Variants in HLCS observed in about 807,000 individuals in gnomAD.
HLCS encodes holocarboxylase synthetase.
Under a neutral mutation model 75.0 loss-of-function variants are expected in HLCS, and 53 were observed. That is an observed-to-expected ratio of 0.71 (90% CI 0.57 to 0.89). The LOEUF (loss-of-function observed/expected upper bound fraction) is 0.89, where lower values mean the gene tolerates loss of function less well. HLCS is among the 40% of genes least tolerant of loss of function. The probability of loss-of-function intolerance (pLI) is 0.00; values close to 1 mark genes in which losing one functional copy is unlikely to be tolerated. For missense variants in HLCS, 966 were observed against 1,074.0 expected (o/e 0.90, Z 1.41); for synonymous variants, 431 against 428.6 (o/e 1.01, Z -0.07).
intron 8 of HLCS, among the ~76,000 whole-genome samples, chr21:36,764,176 A>C (rs1601136348): frequency 6.6e-6 from 1 of 152,198 alleles, no homozygotes; most frequent in South Asian, 2.1e-4. Context: ...AGGCGGGCGG[A>C]TCACAAGGTC....
Position 36,763,323 on chromosome 21 carries a change from T to G in HLCS, c.2121+1689A>C, listed in dbSNP as rs375555794. ...CCGCGCCTGGCCAGGACTTTCTATT[T>G]TGATTGCTTCCTGCTAGACAGAATG... On this transcript the variant is annotated intron_variant, in intron 8 of 10. Transcript: ENST00000674895. Among the ~76,000 whole-genome samples, 5 of 152,302 alleles carry G rather than the reference T, an allele frequency of 3.3e-5. No homozygotes were observed. In the East Asian group the frequency reaches 9.7e-4, roughly 29 times the overall value.
intron 1 of HLCS, among the ~76,000 whole-genome samples, chr21:36,977,547 G>A (rs878903479): frequency 1.3e-5 from 2 of 152,186 alleles, no homozygotes; most frequent in Non-Finnish European, 2.9e-5. Context: ...AAATGAATGT[G>A]GAAAGAAATT....
intron 5 of HLCS, among the ~76,000 whole-genome samples, chr21:36,910,922 G>T (rs2065678632): frequency 6.6e-6 from 1 of 152,082 alleles, no homozygotes; most frequent in Non-Finnish European, 1.5e-5. Context: ...GCACACAAAA[G>T]CGAACGGCTC....
In HLCS at chr21:36,842,674, T is replaced by G. The variant is rs1286298856; in HGVS notation, c.1892+54186A>C. On this transcript the variant is annotated intron_variant, in intron 6 of 10. Coordinates refer to ENST00000674895, the MANE Select transcript of HLCS (RefSeq NM_001352514.2). The surrounding 1 kb of genome is among the most constrained non-coding windows in gnomAD (Gnocchi z 4.2). ...ACGAGAATTGCTTGAACCCGGGAGG[T>G]GGAGGTTGCAGTAAGCCAAGATTGT... is the stretch of plus-strand genomic sequence containing the variant. Among the ~76,000 whole-genome samples the G allele has an allele frequency of 6.7e-6, 1 of 149,730 alleles. No individual in the cohort carries two copies. The highest frequency in any genetic ancestry group is 1.5e-5 in the Non-Finnish European group (1 of 67,150).
At chr21:36,855,971 G>T (rs1452730387) in intron 6 of HLCS, among the ~76,000 whole-genome samples, 2 of 152,090 alleles carry the variant, frequency 1.3e-5, no homozygotes, top group Non-Finnish European at 2.9e-5. Flanking sequence ...GAGGTGAAAG[G>T]CCGCATGTTA....
intron 6 of HLCS, among the ~76,000 whole-genome samples, chr21:36,792,434 G>C (rs2060895224): frequency 7.4e-6 from 1 of 136,024 alleles, no homozygotes; most frequent in Non-Finnish European, 1.6e-5. Flanking sequence ...GATTTACCCT[G>C]ATGATGACAA....
intron 2 of HLCS, chr21:36,948,019 C>T (rs1014972394): frequency 5.1e-6 from 5 of 983,248 alleles, no homozygotes; most frequent in East Asian, 2.3e-4. Context: ...GGGCCAGGCG[C>T]GGTGGCTCAC....
At chr21:36,959,255 C>T (rs962299235) in intron 2 of HLCS, among the ~76,000 whole-genome samples, 12 of 152,198 alleles carry the variant, frequency 7.9e-5, no homozygotes, top group Non-Finnish European at 1.8e-4. Context: ...TGGGCGGTGT[C>T]GCAACCCGGC....
At chr21:36,800,555 A>C (rs563407941) in intron 6 of HLCS, among the ~76,000 whole-genome samples, 5 of 152,150 alleles carry the variant, frequency 3.3e-5, no homozygotes, top group Non-Finnish European at 7.3e-5. Context: ...CCGTTGTACC[A>C]GTGAGGAAAC....
chr21:36,787,506 T>C (rs1024377909), intron 6 of HLCS, among the ~76,000 whole-genome samples: 1 of 152,172 alleles, frequency 6.6e-6, no homozygotes, highest in Non-Finnish European at 1.5e-5. Context: ...AGGGAATAAA[T>C]GTGCCATGCT....
At chr21:36,902,944 C>T (rs368886566) in intron 5 of HLCS, among the ~76,000 whole-genome samples, 6 of 152,282 alleles carry the variant, frequency 3.9e-5, no homozygotes, top group African/African-American at 1.4e-4. Flanking sequence ...TAACCGACCA[C>T]AAATGAGACA....
chr21:36,787,092 T>C (rs950039667), intron 6 of HLCS, among the ~76,000 whole-genome samples: 4 of 152,182 alleles, frequency 2.6e-5, no homozygotes, highest in Non-Finnish European at 5.9e-5. Flanking sequence ...ATTGGAACTT[T>C]CCAGGGCGAA....
intron 6 of HLCS, among the ~76,000 whole-genome samples, chr21:36,883,109 CAG>C (rs2064300797): frequency 6.6e-6 from 1 of 152,144 alleles, no homozygotes; most frequent in East Asian, 1.9e-4. Flanking sequence ...CATGCAGAAA[CAG>C]AACATGCTTC....
At chr21:36,862,128 A>G (rs2063400630) in intron 6 of HLCS, among the ~76,000 whole-genome samples, 1 of 152,254 alleles carries the variant, frequency 6.6e-6, no homozygotes, top group African/African-American at 2.4e-5. Flanking sequence ...TCAGTACTGC[A>G]TTCCTTTTTA....
At chr21:36,767,692 G>C (rs892157484) in intron 6 of HLCS, among the ~76,000 whole-genome samples, 12 of 151,678 alleles carry the variant, frequency 7.9e-5, no homozygotes, top group Non-Finnish European at 1.8e-4. Context: ...CCTACTTAGG[G>C]TGCACTTCTG....
chr21:36,901,830 C>T (rs1335055494), intron 5 of HLCS, among the ~76,000 whole-genome samples: 1 of 152,184 alleles, frequency 6.6e-6, no homozygotes, highest in African/African-American at 2.4e-5. Flanking sequence ...TCACAGGCTC[C>T]AGGGCTGGGG....
chr21:36,811,133 G>T (rs1249155704), intron 6 of HLCS, among the ~76,000 whole-genome samples: 1 of 152,172 alleles, frequency 6.6e-6, no homozygotes, highest in African/African-American at 2.4e-5. Context: ...ATTAACATAT[G>T]TATTACCTCA....
At chr21:36,873,838 C>T (rs1002608802) in intron 6 of HLCS, among the ~76,000 whole-genome samples, 1 of 152,202 alleles carries the variant, frequency 6.6e-6, no homozygotes, top group Non-Finnish European at 1.5e-5. Flanking sequence ...TAGGATCAAG[C>T]TATCCTCCTG....
At chr21:36,814,676 G>C (rs1311684356) in intron 6 of HLCS, among the ~76,000 whole-genome samples, 1 of 152,208 alleles carries the variant, frequency 6.6e-6, no homozygotes, top group Non-Finnish European at 1.5e-5. Flanking sequence ...CCTTATTTTG[G>C]TAGAATTCCA....
Sources: allele counts gnomAD v4.1 joint callset (sites outside exome capture counted in the v4.1 genomes callset), GRCh38; gene constraint gnomAD v4.1.1; non-coding constraint Gnocchi (gnomAD v3.1); transcripts MANE v1.5; gene names NCBI Gene and HGNC (gene_info 2026-07-23, HGNC 2026-07-21).